The following HYCC2 variants were observed in gnomAD, a reference collection of about 807,000 sequenced individuals.
HYCC2 encodes hyccin PI4KA lipid kinase complex subunit 2, also known as hyccin 2.
chr2:201,050,936 A>AAAACAAAC, the HYCC2 span, among the ~76,000 whole-genome samples: 1 of 152,164 alleles, frequency 6.6e-6, no homozygotes, highest in Non-Finnish European at 1.5e-5. Context: ...ACTCCGTCTC[A>AAAACAAAC]AAACAAACAA....
the HYCC2 span, among the ~76,000 whole-genome samples, chr2:201,034,703 A>G: frequency 6.6e-6 from 1 of 152,072 alleles, no homozygotes; most frequent in African/African-American, 2.4e-5. Flanking sequence ...TCCTAGCCTC[A>G]ATGGTCTTTA....
the HYCC2 span, chr2:201,063,614 G>T: frequency 6.7e-3 from 10,536 of 1,580,302 alleles, 113 homozygotes; most frequent in Middle Eastern, 8.4e-3. Context: ...CCACAACTGT[G>T]AAGTTAGAAA....
chr2:201,008,403 C>T, the HYCC2 span, among the ~76,000 whole-genome samples: 1 of 152,062 alleles, frequency 6.6e-6, no homozygotes, highest in Admixed American at 6.5e-5. Flanking sequence ...ATGTATTTAC[C>T]TTTTGGAGTC....
chr2:200,996,520 G>T, the HYCC2 span: 1 of 152,122 alleles, frequency 6.6e-6, no homozygotes, highest in Admixed American at 6.6e-5. Context: ...TAACTACTCA[G>T]GAGACTGAGG....
the HYCC2 span, among the ~76,000 whole-genome samples, chr2:201,024,358 G>T: frequency 6.6e-6 from 1 of 151,828 alleles, no homozygotes; most frequent in Non-Finnish European, 1.5e-5. Flanking sequence ...GCATGGTGGC[G>T]TGCACATCCA....
chr2:201,025,404 G>T, the HYCC2 span, among the ~76,000 whole-genome samples: 2 of 151,398 alleles, frequency 1.3e-5, no homozygotes, highest in Non-Finnish European at 2.9e-5. Context: ...ATATAGTGGA[G>T]GAGACCAAAC....
At chr2:200,993,844 G>A in the HYCC2 span, among the ~76,000 whole-genome samples, 11 of 151,800 alleles carry the variant, frequency 7.2e-5, no homozygotes, top group Non-Finnish European at 1.5e-4. Flanking sequence ...AAAATTAGCC[G>A]GGCATGGTGG....
chr2:201,012,952 TACACACAC>T, the HYCC2 span, among the ~76,000 whole-genome samples: 366 of 146,406 alleles, frequency 2.5e-3, 1 homozygote, highest in African/African-American at 8.3e-3. Flanking sequence ...TTTCAAAAAA[TACACACAC>T]ACACACACAC....
At chr2:201,048,532 G>C in the HYCC2 span, among the ~76,000 whole-genome samples, 1 of 141,254 alleles carries the variant, frequency 7.1e-6, no homozygotes, top group South Asian at 2.1e-4. Flanking sequence ...AAGCTCATCA[G>C]CTATCATTCG....
the HYCC2 span, among the ~76,000 whole-genome samples, chr2:201,038,145 C>T: frequency 6.6e-6 from 1 of 152,170 alleles, no homozygotes; most frequent in South Asian, 2.1e-4. Context: ...TGAAAAAATG[C>T]TCATCATCAC....
chr2:201,062,993 T>A, the HYCC2 span: 2 of 1,439,416 alleles, frequency 1.4e-6, no homozygotes, highest in Non-Finnish European at 1.9e-6. Flanking sequence ...CAGCTAACAT[T>A]TATTATGCAT....
chr2:201,030,760 G>T, the HYCC2 span, among the ~76,000 whole-genome samples: 11 of 151,896 alleles, frequency 7.2e-5, no homozygotes, highest in African/African-American at 2.7e-4. Flanking sequence ...TGTATTTTTA[G>T]TAGAGACAGG....
chr2:200,976,675 C>G, the HYCC2 span: 7 of 152,182 alleles, frequency 4.6e-5, no homozygotes, highest in African/African-American at 1.4e-4. Context: ...GCTTATATAG[C>G]TGAGACTACC....
chr2:201,047,621 A>G, the HYCC2 span, among the ~76,000 whole-genome samples: 2 of 151,756 alleles, frequency 1.3e-5, no homozygotes, highest in Admixed American at 6.6e-5. Context: ...ACATATTAAA[A>G]GAAAATTCTA....
the HYCC2 span, among the ~76,000 whole-genome samples, chr2:201,059,815 G>A: frequency 1.3e-5 from 2 of 152,156 alleles, no homozygotes; most frequent in East Asian, 3.9e-4. Context: ...GGAGGCCGAG[G>A]CGGGTGGATC....
chr2:201,028,237 A>G, the HYCC2 span, among the ~76,000 whole-genome samples: 1 of 152,182 alleles, frequency 6.6e-6, no homozygotes, highest in African/African-American at 2.4e-5. Context: ...AGAATAAAAT[A>G]CCTAGGAATC....
chr2:201,007,232 A>C, the HYCC2 span, among the ~76,000 whole-genome samples: 1 of 152,142 alleles, frequency 6.6e-6, no homozygotes, highest in Admixed American at 6.6e-5. Flanking sequence ...ATACCAATAA[A>C]CCCATTGTAA....
the HYCC2 span, among the ~76,000 whole-genome samples, chr2:201,061,957 C>T: frequency 6.6e-6 from 1 of 151,796 alleles, no homozygotes; most frequent in Non-Finnish European, 1.5e-5. Context: ...AGGACAAAAT[C>T]AACTGGGCAT....
At chr2:201,030,044 GC>G in the HYCC2 span, among the ~76,000 whole-genome samples, 3 of 152,118 alleles carry the variant, frequency 2.0e-5, no homozygotes, top group Admixed American at 1.3e-4. Context: ...CTATGACCAT[GC>G]CAGTGTACTC....
Sources: gnomAD v4.1 joint callset for allele counts (sites outside exome capture counted in the v4.1 genomes callset) on GRCh38, gnomAD v4.1.1 for gene constraint, MANE v1.5 for transcripts, NCBI Gene and HGNC (gene_info 2026-07-23, HGNC 2026-07-21) for gene names.